BRINP1: variants seen among roughly 807,000 people sequenced by gnomAD.
The protein encoded by BRINP1 is BMP/retinoic acid inducible neural specific 1.
BRINP1 carries 17 observed loss-of-function variants against 72.9 expected under a neutral mutation model. The observed-to-expected ratio is 0.23, with a 90% confidence interval of 0.16 to 0.35. The LOEUF is 0.35. BRINP1 is among the 10% of genes least tolerant of loss of function. The pLI, the probability that BRINP1 is intolerant of heterozygous loss-of-function variation, is 1.00. For missense variants in BRINP1, 850 were observed against 1,001.6 expected (o/e 0.85, Z 2.04); for synonymous variants, 418 against 378.5 (o/e 1.10, Z -1.21).
intron 2 of BRINP1, among the ~76,000 whole-genome samples, chr9:119,306,937 A>G (rs1460673738): frequency 2.0e-5 from 3 of 152,136 alleles, no homozygotes; most frequent in African/African-American, 7.2e-5. Flanking sequence ...ATCCCAATTC[A>G]AACTCATGAA....
At chr9:119,177,668 T>A (rs1829503575) in intron 7 of BRINP1, among the ~76,000 whole-genome samples, 1 of 152,182 alleles carries the variant, frequency 6.6e-6, no homozygotes, top group South Asian at 2.1e-4. Context: ...CTTGAATCAA[T>A]GCTTCATTGT....
intron 2 of BRINP1, among the ~76,000 whole-genome samples, chr9:119,261,305 G>A (rs992529550): frequency 6.6e-6 from 1 of 152,136 alleles, no homozygotes; most frequent in Non-Finnish European, 1.5e-5. Flanking sequence ...ATTGTCTTCT[G>A]GATACCTAGG....
chr9:119,292,531 T>C (rs569461571), intron 2 of BRINP1, among the ~76,000 whole-genome samples: 19 of 152,310 alleles, frequency 1.2e-4, no homozygotes, highest in African/African-American at 4.1e-4. Context: ...TAAAGGAATA[T>C]GTAAACGAAT....
intron 3 of BRINP1, among the ~76,000 whole-genome samples, chr9:119,243,807 A>G (rs1321563390): frequency 1.3e-5 from 2 of 152,176 alleles, no homozygotes; most frequent in African/African-American, 2.4e-5. Flanking sequence ...TCATATATCT[A>G]TTGGCTAGTG....
At position 119,208,929 on chromosome 9, in the gene BRINP1, G is replaced by A. The variant is rs1247843831; in HGVS notation, c.935C>T (p.Ser312Leu). The A allele has an allele frequency of 6.2e-7, 1 of 1,613,682 alleles. No individual in the cohort carries two copies. Among genetic ancestry groups the A allele is most frequent in the African/African-American group, 1.3e-5 (1 of 74,918 alleles). The change falls in exon 7 of 8, where the codon TCA becomes TTA. Residue 312 changes from serine to leucine, a missense_variant. Ser to Leu is a moderately radical substitution (Grantham distance 145). Transcript: ENST00000265922. Reference protein sequence around the residue: ...KDLENSDEFKSFMKRLPSNHF... With the variant: ...KDLENSDEFKLFMKRLPSNHF... ...GTTGCTGGGGAGGCGCTTCATAAAT[G>A]ATTTAAACTCATCTAGTGAGAGACA... is the stretch of plus-strand genomic sequence containing the variant.
rs554736577 is a variant in BRINP1 at position 119,329,384 on chromosome 9, T to G, written c.-50-15979A>C. 1.7e-3 allele frequency among the ~76,000 whole-genome samples: 253 copies of G among 152,234 alleles called. 2 individuals are homozygous for G. Among genetic ancestry groups the G allele is most frequent in the Non-Finnish European group, 2.9e-3 (196 of 68,004 alleles). ...GCAATGTTGTCATCCTTTTATAGAG[T>G]ACCTTTTAAATGATGAACTAAAAGT... On this transcript the variant is annotated intron_variant, in intron 1 of 7. Transcript: ENST00000265922.
intron 2 of BRINP1, 61 bp downstream of exon 2, chr9:119,313,077 C>T (rs907365242): frequency 2.3e-5 from 35 of 1,544,248 alleles, no homozygotes; most frequent in African/African-American, 8.2e-5. Flanking sequence ...CACCAATCAA[C>T]GCCTGACTCC....
At chr9:119,330,322 C>T (rs1471002648) in intron 1 of BRINP1, among the ~76,000 whole-genome samples, 1 of 152,166 alleles carries the variant, frequency 6.6e-6, no homozygotes, top group Non-Finnish European at 1.5e-5. Flanking sequence ...ACTCACCTCA[C>T]CACCATCCAC....
chr9:119,179,796 T>C (rs1242853937), intron 7 of BRINP1, among the ~76,000 whole-genome samples: 1 of 152,184 alleles, frequency 6.6e-6, no homozygotes, highest in Non-Finnish European at 1.5e-5. Flanking sequence ...CTATATTCCC[T>C]GCCCTCTAAA....
At chr9:119,318,174 G>A (rs902714071) in intron 1 of BRINP1, among the ~76,000 whole-genome samples, 20 of 152,168 alleles carry the variant, frequency 1.3e-4, no homozygotes, top group Non-Finnish European at 4.4e-5. Flanking sequence ...GGACAGTCAT[G>A]TCCCCTCTCA....
rs183486869 is a variant in BRINP1 at position 119,368,884 on chromosome 9, C to A, written c.-51+172G>T. ...GCCCTTTGAGCCCCAGGCACAGGAA[C>A]CCCCTCCCTAGAACTGGAGAAGACT... On this transcript the variant is annotated intron_variant, in intron 1 of 7. Coordinates refer to ENST00000265922, the MANE Select transcript of BRINP1 (RefSeq NM_014618.3). The surrounding 1 kb of genome is among the most constrained non-coding windows in gnomAD (Gnocchi z 4.7). Among the ~76,000 whole-genome samples the A allele has an allele frequency of 5.2e-3, 785 of 152,268 alleles. 9 individuals are homozygous for A. The highest frequency in any genetic ancestry group is 7.6e-3 in the Non-Finnish European group (518 of 68,022).
chr9:119,215,165 A>G (rs890828540), intron 5 of BRINP1, among the ~76,000 whole-genome samples: 11 of 152,228 alleles, frequency 7.2e-5, no homozygotes, highest in African/African-American at 2.7e-4. Flanking sequence ...TGAGGAAGCC[A>G]TGGTCTACCA....
chr9:119,288,846 T>C lies in BRINP1; in HGVS notation c.218+24292A>G, dbSNP rs116586814. On this transcript the variant is annotated intron_variant, in intron 2 of 7. Transcript: ENST00000265922. ...CACTCTTGTTGCCCAGGCTGGAGTG[T>C]GATGAATGGCACAATCTTGGCTCAC... 8.1e-3 allele frequency among the ~76,000 whole-genome samples: 1,232 copies of C among 152,142 alleles called. 13 individuals carry two copies. The highest frequency in any genetic ancestry group is 0.029 in the African/African-American group (1,190 of 41,500).
chr9:119,232,873 G>A (rs61703051), intron 5 of BRINP1, among the ~76,000 whole-genome samples: 7,119 of 151,628 alleles, frequency 0.047, 565 homozygotes, highest in African/African-American at 0.16. Flanking sequence ...GGGCTTCTTG[G>A]AAAGAGAAGT....
At position 119,168,667 on chromosome 9, in the gene BRINP1, C is replaced by T. The variant is rs76681078; in HGVS notation, c.1146-443G>A. Among the ~76,000 whole-genome samples the T allele has an allele frequency of 1.1e-4, 16 of 152,280 alleles. No homozygotes were observed. In the East Asian group the frequency reaches 3.1e-3, roughly 29 times the overall value. Reference sequence around the variant, plus strand: ...GTTTACTTAAACCACATGTTTCAACCCCCATTACAGATTCCTCCCATGAGG... The same window carrying T: ...GTTTACTTAAACCACATGTTTCAACTCCCATTACAGATTCCTCCCATGAGG... On this transcript the variant is annotated intron_variant, in intron 7 of 7. Coordinates refer to ENST00000265922, the MANE Select transcript of BRINP1 (RefSeq NM_014618.3).
rs1269058613 is a variant in BRINP1 at position 119,210,569 on chromosome 9, CA to C, written c.923-1629del. Among the ~76,000 whole-genome samples the C allele has an allele frequency of 2.6e-5, 4 of 152,206 alleles. No homozygotes were observed. The East Asian group carries it at 7.7e-4, about 29-fold the overall frequency. ...GAGAATTAAGACTTGAGTCTGGCTC[CA>C]AATCCTGTGTTCTTACTTAGTATAT... On this transcript the variant is annotated intron_variant, in intron 6 of 7. Coordinates refer to ENST00000265922, the MANE Select transcript of BRINP1 (RefSeq NM_014618.3).
intron 7 of BRINP1, among the ~76,000 whole-genome samples, chr9:119,208,239 G>A (rs983024285): frequency 6.6e-6 from 1 of 152,096 alleles, no homozygotes; most frequent in Non-Finnish European, 1.5e-5. Context: ...AGTGTCTCCT[G>A]ACATTTTGTA....
chr9:119,265,915 G>A (rs1830544549), intron 2 of BRINP1, among the ~76,000 whole-genome samples: 1 of 152,120 alleles, frequency 6.6e-6, no homozygotes, highest in South Asian at 2.1e-4. Flanking sequence ...GGGTCCCAGA[G>A]TCTGTTGTTC....
chr9:119,223,654 A>C (rs1296689008), intron 5 of BRINP1, among the ~76,000 whole-genome samples: 4 of 152,072 alleles, frequency 2.6e-5, no homozygotes, highest in Admixed American at 2.6e-4. Context: ...GTTTGAATGA[A>C]GGCAATTTTA....
Sources: allele counts gnomAD v4.1 joint callset (sites outside exome capture counted in the v4.1 genomes callset), GRCh38; gene constraint gnomAD v4.1.1; non-coding constraint Gnocchi (gnomAD v3.1); transcripts MANE v1.5; gene names NCBI Gene and HGNC (gene_info 2026-07-23, HGNC 2026-07-21).